The following WDR45B variants were observed in gnomAD, a reference collection of about 807,000 sequenced individuals.
The protein encoded by WDR45B is WD repeat domain 45B.
In WDR45B, 20 loss-of-function variants were observed where a neutral mutation model predicts 44.6. The observed-to-expected ratio is 0.45, with a 90% CI of 0.32 to 0.65. WDR45B has a LOEUF of 0.65. Among genes scored for constraint, WDR45B ranks in the 30% least tolerant of loss-of-function variants. The pLI is 0.05. For synonymous variants in WDR45B, 169 were observed against 164.9 expected (o/e 1.02, Z -0.19); for missense variants, 323 against 430.2 (o/e 0.75, Z 2.20).
chr17:82,622,257 C>T (rs1418228991), intron 5 of WDR45B, among the ~76,000 whole-genome samples: 1 of 152,124 alleles, frequency 6.6e-6, no homozygotes, highest in Non-Finnish European at 1.5e-5. Context: ...CAAAGGAAGA[C>T]CACAGAAGAT....
intron 2 of WDR45B, among the ~76,000 whole-genome samples, chr17:82,642,482 A>G (rs922177375): frequency 6.6e-6 from 1 of 152,242 alleles, no homozygotes; most frequent in Non-Finnish European, 1.5e-5. Flanking sequence ...ATAAACTGGT[A>G]AATGTGCTTC....
intron 2 of WDR45B, among the ~76,000 whole-genome samples, chr17:82,633,755 C>T (rs553307213): frequency 6.1e-4 from 93 of 152,152 alleles, no homozygotes; most frequent in Non-Finnish European, 9.1e-4. Flanking sequence ...TCACTCACAC[C>T]TATAATCCCA....
At chr17:82,646,259 G>A (rs921034507) in intron 1 of WDR45B, among the ~76,000 whole-genome samples, 3 of 151,850 alleles carry the variant, frequency 2.0e-5, no homozygotes, top group Admixed American at 6.6e-5. Flanking sequence ...GAGAGGCCGA[G>A]GTGGGCGGAT....
chr17:82,619,226 G>GAA, intron 6 of WDR45B, 98 bp from the exon 7 acceptor site: 1 of 1,161,296 alleles, frequency 8.6e-7, no homozygotes, highest in Non-Finnish European at 1.3e-6. Flanking sequence ...GTCCACACAA[G>GAA]CCTTTCTCAA....
chr17:82,642,095 C>G lies in WDR45B; in HGVS notation c.142+1854G>C, dbSNP rs562115410. Among the ~76,000 whole-genome samples the G allele has an allele frequency of 3.3e-5, 5 of 152,146 alleles. No homozygotes were observed. The South Asian group carries it at 6.2e-4, about 19-fold the overall frequency. ...TTGGAAACTCCATAGCCTGTCCCCC[C>G]ACACCTTGTTCCGTGCTTGCCCTCA... On this transcript the variant is annotated intron_variant, in intron 2 of 9. Transcript: ENST00000392325.
intron 7 of WDR45B, 140 bp downstream of exon 7, chr17:82,618,903 C>G: frequency 1.3e-6 from 1 of 752,366 alleles, no homozygotes; most frequent in Non-Finnish European, 2.4e-6. Context: ...AACCCAACCC[C>G]CTAGCAGCCC....
intron 7 of WDR45B, chr17:82,617,669 G>A (rs1006126807): frequency 2.0e-6 from 1 of 494,142 alleles, no homozygotes; most frequent in Non-Finnish European, 3.8e-6. Flanking sequence ...GTCTGGGAGA[G>A]GGAAGGGACT....
chr17:82,616,677 A>T (rs1301135837), intron 8 of WDR45B, 32 bp from the exon 9 acceptor site: 2 of 1,613,876 alleles, frequency 1.2e-6, no homozygotes, highest in African/African-American at 2.7e-5. Flanking sequence ...GGGTGGTTCA[A>T]AGTTTACAGG....
At chr17:82,633,035 C>A (rs369611526) in intron 2 of WDR45B, among the ~76,000 whole-genome samples, 1 of 151,872 alleles carries the variant, frequency 6.6e-6, no homozygotes, top group Non-Finnish European at 1.5e-5. Context: ...TGGTGGCAGG[C>A]GCCTGTAATC....
At chr17:82,647,132 G>C (rs2045988278) in intron 1 of WDR45B, among the ~76,000 whole-genome samples, 1 of 152,208 alleles carries the variant, frequency 6.6e-6, no homozygotes, top group Admixed American at 6.5e-5. Context: ...AGGAGCCTGA[G>C]GCAGGAGAAT....
In WDR45B at chr17:82,615,869, G is replaced by C. The variant is rs1267961338; in HGVS notation, c.*50C>G. 2 of 1,567,306 alleles carry C rather than the reference G, an allele frequency of 1.3e-6. No individual in the cohort carries two copies. The highest frequency in any genetic ancestry group is 2.2e-5 in the South Asian group (2 of 90,078). On this transcript the variant is annotated 3_prime_UTR_variant, in exon 10 of 10. Transcript: ENST00000392325. ...CCCCTGGGGCACTGGCACCAGCCCC[G>C]AGAGTCTGAAGGCGGCAGGTGGTGG... is the stretch of plus-strand genomic sequence containing the variant.
rs1469638011 is a variant in WDR45B at position 82,632,086 on chromosome 17, A to ATAT, written c.143-1065_143-1064insATA. Among the ~76,000 whole-genome samples the ATAT allele has an allele frequency of 1.7e-3, 164 of 98,512 alleles. 2 individuals are homozygous for ATAT. Among genetic ancestry groups the ATAT allele is most frequent in the African/African-American group, 5.8e-3 (134 of 22,926 alleles). 64.6% of individuals were successfully genotyped at this position (98,512 alleles called of 152,430 possible). On this transcript the variant is annotated intron_variant, in intron 2 of 9. Transcript: ENST00000392325. ...CAGAGCGAGACTCTATCTCAAGATAAATAAATAAAAACAAAAATAAAAACA... is the reference window on the plus strand; with the variant it reads ...CAGAGCGAGACTCTATCTCAAGATAATATATAAATAAAAACAAAAATAAAAACA...
In WDR45B at chr17:82,630,317, C is replaced by G. The variant is rs547367006; in HGVS notation, c.244+604G>C. Among the ~76,000 whole-genome samples the G allele has an allele frequency of 3.3e-5, 5 of 151,884 alleles. No individual in the cohort carries two copies. The East Asian group carries it at 9.7e-4, about 29-fold the overall frequency. On this transcript the variant is annotated intron_variant, in intron 3 of 9. Transcript: ENST00000392325. ...CTCCCCCACCCAGCCTACCTCCCGC[C>G]TCCCACCTCTTCCCTGTGTTCTGCC...
chr17:82,647,194 G>A (rs1033630367), intron 1 of WDR45B, among the ~76,000 whole-genome samples: 1 of 119,736 alleles, frequency 8.4e-6, no homozygotes, highest in Non-Finnish European at 1.9e-5. Flanking sequence ...GCACCAGGCT[G>A]GGCGACAGAA....
chr17:82,632,049 C>A (rs1289851706), intron 2 of WDR45B, among the ~76,000 whole-genome samples: 1 of 151,954 alleles, frequency 6.6e-6, no homozygotes, highest in Non-Finnish European at 1.5e-5. Context: ...CCACTGCACT[C>A]CAGCCTGGTG....
At chr17:82,630,445 C>T (rs886281517) in intron 3 of WDR45B, among the ~76,000 whole-genome samples, 5 of 152,108 alleles carry the variant, frequency 3.3e-5, no homozygotes, top group East Asian at 1.9e-4. Flanking sequence ...CTACTCCTCC[C>T]TCTACTTAAA....
At chr17:82,647,258 T>C (rs12603129) in intron 1 of WDR45B, among the ~76,000 whole-genome samples, 22,225 of 152,180 alleles carry the variant, frequency 0.15, 2,027 homozygotes, top group East Asian at 0.27. Context: ...TCTTCACATA[T>C]ACGGGATCAT....
intron 4 of WDR45B, chr17:82,625,885 AT>A: frequency 3.9e-6 from 1 of 255,526 alleles, no homozygotes; most frequent in Non-Finnish European, 7.7e-6. Flanking sequence ...CATTATTATT[AT>A]TATTACTTTT....
chr17:82,624,258 CAGG>C (rs1381341539), intron 5 of WDR45B, among the ~76,000 whole-genome samples: 1 of 152,318 alleles, frequency 6.6e-6, no homozygotes, highest in South Asian at 2.1e-4. Flanking sequence ...GAAAGTTTTC[CAGG>C]AGAAGAGACT....
Sources: allele counts gnomAD v4.1 joint callset (sites outside exome capture counted in the v4.1 genomes callset), GRCh38; gene constraint gnomAD v4.1.1; transcripts MANE v1.5; gene names NCBI Gene and HGNC (gene_info 2026-07-23, HGNC 2026-07-21).